Variants in CFAP54 observed in about 807,000 individuals in gnomAD.
CFAP54 encodes the protein cilia and flagella associated protein 54, also known as cilia- and flagella-associated protein 54.
In CFAP54, 290 loss-of-function variants were observed where a neutral mutation model predicts 370.4. That is an observed-to-expected ratio of 0.78 (90% CI 0.71 to 0.86). The LOEUF (loss-of-function observed/expected upper bound fraction) is 0.86. Among genes scored for constraint, CFAP54 ranks in the 40% least tolerant of loss-of-function variants. CFAP54 has a pLI of 0.00. For missense variants in CFAP54, 3,399 were observed against 3,528.7 expected, an observed-to-expected ratio of 0.96 and a Z score of 0.93; for synonymous variants, 1,206 against 1,236.5, an observed-to-expected ratio of 0.98 and a Z score of 0.52.
intron 39 of CFAP54, 104 bp downstream of exon 39, chr12:96,664,036 A>G: frequency 2.3e-6 from 2 of 879,832 alleles, no homozygotes; most frequent in East Asian, 2.7e-5. Context: ...GTAAAAATGT[A>G]TTTTGCAGGT....
intron 19 of CFAP54, among the ~76,000 whole-genome samples, chr12:96,565,750 G>A (rs1258521928): frequency 6.6e-6 from 1 of 152,152 alleles, no homozygotes; most frequent in Non-Finnish European, 1.5e-5. Context: ...GATACAGAAG[G>A]GAAGGAGGAA....
chr12:96,601,631 A>G (rs1040040088), intron 26 of CFAP54, among the ~76,000 whole-genome samples: 1 of 152,182 alleles, frequency 6.6e-6, no homozygotes, highest in Admixed American at 6.5e-5. Context: ...CCTCAATTTC[A>G]GAACCTGTTA....
rs202035910 is a variant in CFAP54 at position 96,743,475 on chromosome 12, A to G, written c.7293A>G (p.Glu2431=). 1.2e-6 allele frequency: 2 copies of G among 1,614,020 alleles called. No individual in the cohort carries two copies. Among genetic ancestry groups the G allele is most frequent in the Non-Finnish European group, 1.7e-6 (2 of 1,179,898 alleles). ...CMEAKSAGDT[E]LQAEFLTQAV... The stretch of plus-strand genomic sequence containing the variant: ...AGGCAAAAAGCGCAGGGGACACGGA[A>G]CTGCAGGCTGAATTCTTGACGCAAG... Residue 2431 remains glutamate (E), a synonymous_variant, in exon 53 of 68, where the codon GAA becomes GAG. Transcript: ENST00000524981.
intron 22 of CFAP54, among the ~76,000 whole-genome samples, chr12:96,586,218 A>T (rs752982273): frequency 7.9e-5 from 12 of 152,104 alleles, no homozygotes; most frequent in Non-Finnish European, 1.8e-4. Context: ...ACTAGGCCTG[A>T]GTTTGGGTCT....
In CFAP54 at chr12:96,605,551, C is replaced by T. The variant is rs775427185; in HGVS notation, c.3639+6784C>T. ...TGCTGTATCTGGACATCTAAACCCA[C>T]GAGAAGACATAGGCAAGAGTGTGGT... On this transcript the variant is annotated intron_variant, in intron 26 of 67. Transcript: ENST00000524981. Among the ~76,000 whole-genome samples, 7 of 152,212 alleles carry T rather than the reference C, an allele frequency of 4.6e-5. No homozygotes were observed. In the East Asian group the frequency reaches 5.8e-4, roughly 13 times the overall value.
At chr12:96,534,760 T>C (rs1955484000) in intron 11 of CFAP54, among the ~76,000 whole-genome samples, 1 of 152,232 alleles carries the variant, frequency 6.6e-6, no homozygotes, top group African/African-American at 2.4e-5. Flanking sequence ...TTTTGCCATG[T>C]TCTTAAGATA....
intron 47 of CFAP54, among the ~76,000 whole-genome samples, chr12:96,706,416 G>T (rs543216360): frequency 6.0e-4 from 92 of 152,094 alleles, no homozygotes; most frequent in Non-Finnish European, 1.1e-3. Context: ...TCTGGAGAAG[G>T]AACAATCTAA....
chr12:96,803,815 A>T (rs1958849412), intron 63 of CFAP54, among the ~76,000 whole-genome samples: 2 of 152,210 alleles, frequency 1.3e-5, no homozygotes, highest in Admixed American at 1.3e-4. Context: ...CAATGGAAGG[A>T]CATAGTTAAC....
chr12:96,611,612 C>T (rs116644170), intron 26 of CFAP54, among the ~76,000 whole-genome samples: 2,994 of 152,230 alleles, frequency 0.02, 101 homozygotes, highest in African/African-American at 0.069. Flanking sequence ...AAGTTAAAAC[C>T]CATCGCAAAG....
intron 36 of CFAP54, among the ~76,000 whole-genome samples, chr12:96,652,899 A>C (rs1049549169): frequency 6.6e-5 from 10 of 152,266 alleles, no homozygotes; most frequent in African/African-American, 2.4e-4. Context: ...ATAAAGAGGG[A>C]CATTTCGTGT....
intron 9 of CFAP54, among the ~76,000 whole-genome samples, chr12:96,528,650 G>A (rs1234981282): frequency 2.0e-5 from 3 of 152,060 alleles, no homozygotes; most frequent in Admixed American, 1.3e-4. Flanking sequence ...TTTCTTTTCA[G>A]TATTGGTCAG....
chr12:96,874,423 G>T (rs111412296), intron 67 of CFAP54, among the ~76,000 whole-genome samples: 1,548 of 152,198 alleles, frequency 0.01, 27 homozygotes, highest in African/African-American at 0.034. Flanking sequence ...GCTGGACAAT[G>T]GCACAACAGT....
intron 63 of CFAP54, among the ~76,000 whole-genome samples, chr12:96,808,330 C>T (rs7966208): frequency 0.031 from 4,683 of 152,212 alleles, 236 homozygotes; most frequent in African/African-American, 0.1. Context: ...AAGTTGGGTT[C>T]CCTGGGTCTC....
In CFAP54 at chr12:96,743,903, C is replaced by T. The variant is rs760874605; in HGVS notation, c.7550C>T (p.Thr2517Ile). 3 of 1,612,346 alleles carry T rather than the reference C, an allele frequency of 1.9e-6. No homozygotes were observed. Among genetic ancestry groups the T allele is most frequent in the Admixed American group, 1.7e-5 (1 of 59,680 alleles). ...TTAACTCGGGCTCATAGCATTCTAA[C>T]TGAACAGGTGAGAATGCTTTTGTGT... ...NLLTRAHSIL[T>I]EQMLAFGETI... The change falls in exon 54 of 68, where the codon ACT becomes ATT. Residue 2517 changes from threonine (T) to isoleucine (I), a missense_variant. Physicochemically the swap from Thr to Ile is moderately conservative, Grantham distance 89 (BLOSUM62 -1). This residue lies in a region of CFAP54 where 2,796 missense variants were observed against 2,869.7 expected (regional missense o/e 0.97). Coordinates refer to ENST00000524981, the MANE Select transcript of CFAP54 (RefSeq NM_001306084.2).
At chr12:96,704,236 G>A (rs1288273562) in intron 46 of CFAP54, among the ~76,000 whole-genome samples, 3 of 151,624 alleles carry the variant, frequency 2.0e-5, no homozygotes, top group Non-Finnish European at 2.9e-5. Context: ...GACCATCCTG[G>A]CTAACACGGT....
At chr12:96,576,787 C>G (rs1955982724) in intron 20 of CFAP54, 26 bp downstream of exon 20, 1 of 1,509,288 alleles carries the variant, frequency 6.6e-7, no homozygotes, top group Non-Finnish European at 8.8e-7. Flanking sequence ...AAATTTTTGC[C>G]TCATGCAAAG....
rs189203365 is a variant in CFAP54, at chr12:96,572,495, G to T, written c.2620-4090G>T. ...TGAACAGAGAGGTAGGTATGAGAGA[G>T]AGAAAGAGTAGAAAGGGGGATAAGG... On this transcript the variant is annotated intron_variant, in intron 19 of 67. Transcript: ENST00000524981. 3.3e-3 allele frequency among the ~76,000 whole-genome samples: 495 copies of T among 152,046 alleles called. 3 individuals are homozygous for T. The highest frequency in any genetic ancestry group is 0.012 in the African/African-American group (478 of 41,464).
chr12:96,587,715 T>C (rs935242872), intron 22 of CFAP54, among the ~76,000 whole-genome samples: 2 of 152,220 alleles, frequency 1.3e-5, no homozygotes, highest in Non-Finnish European at 2.9e-5. Context: ...TTAATTATAG[T>C]TTCACCAACC....
At chr12:96,617,144 C>G (rs2136461070) in intron 26 of CFAP54, among the ~76,000 whole-genome samples, 1 of 152,290 alleles carries the variant, frequency 6.6e-6, no homozygotes, top group Middle Eastern at 3.4e-3. Context: ...TCATTGAACC[C>G]TGCATGAGGA....
Sources: allele counts gnomAD v4.1 joint callset (sites outside exome capture counted in the v4.1 genomes callset), GRCh38; gene constraint gnomAD v4.1.1; regional missense constraint gnomAD v4.1.1; transcripts MANE v1.5; gene names NCBI Gene and HGNC (gene_info 2026-07-23, HGNC 2026-07-21).